LSAMP: variants seen among roughly 807,000 people sequenced by gnomAD.
LSAMP encodes limbic system-associated membrane protein.
LSAMP carries 7 observed loss-of-function variants against 38.6 expected under a neutral mutation model. That is an observed-to-expected ratio of 0.18 (90% CI 0.10 to 0.34). The LOEUF is 0.34. Ranked by LOEUF, LSAMP falls within the 10% of genes least tolerant of loss-of-function variation. The pLI is 1.00. For missense variants in LSAMP, 313 were observed against 420.0 expected, an observed-to-expected ratio of 0.75 and a Z score of 2.23; for synonymous variants, 154 against 166.8, an observed-to-expected ratio of 0.92 and a Z score of 0.59.
chr3:116,430,532 T>C (rs2049266523), intron 1 of LSAMP, among the ~76,000 whole-genome samples: 1 of 152,246 alleles, frequency 6.6e-6, no homozygotes, highest in Non-Finnish European at 1.5e-5. Context: ...AAAATGTAGT[T>C]CCTTAACAGG....
chr3:115,955,479 C>G (rs1938426352), intron 3 of LSAMP, among the ~76,000 whole-genome samples: 1 of 152,140 alleles, frequency 6.6e-6, no homozygotes, highest in South Asian at 2.1e-4. Flanking sequence ...TAAGCACCTA[C>G]TGTATGCTAG....
intron 6 of LSAMP, among the ~76,000 whole-genome samples, chr3:115,813,840 T>C (rs577261658): frequency 1.3e-5 from 2 of 152,352 alleles, no homozygotes; most frequent in South Asian, 4.1e-4. Flanking sequence ...GAAATGCAAA[T>C]GATAAATCTT....
intron 1 of LSAMP, among the ~76,000 whole-genome samples, chr3:116,128,462 C>G (rs1193590048): frequency 6.6e-6 from 1 of 152,186 alleles, no homozygotes; most frequent in Non-Finnish European, 1.5e-5. Flanking sequence ...CATTCCCATA[C>G]TATATCCATG....
chr3:115,917,622 A>G (rs1185351998), intron 3 of LSAMP, among the ~76,000 whole-genome samples: 5 of 149,560 alleles, frequency 3.3e-5, no homozygotes, highest in African/African-American at 1.2e-4. Flanking sequence ...TGCATCAAAC[A>G]CTCTTTTAAA....
At chr3:116,335,842 G>A (rs1214713369) in intron 1 of LSAMP, among the ~76,000 whole-genome samples, 3 of 152,014 alleles carry the variant, frequency 2.0e-5, no homozygotes, top group East Asian at 1.9e-4. Context: ...TGTACTGAAA[G>A]CGAAAAACAC....
intron 3 of LSAMP, among the ~76,000 whole-genome samples, chr3:115,915,899 GA>G (rs772749069): frequency 3.9e-4 from 59 of 152,018 alleles, no homozygotes; most frequent in Non-Finnish European, 7.6e-4. Flanking sequence ...CCAAAGTGCT[GA>G]AATATCTTTT....
At chr3:116,257,417 T>C (rs982184622) in intron 1 of LSAMP, among the ~76,000 whole-genome samples, 1 of 152,170 alleles carries the variant, frequency 6.6e-6, no homozygotes, top group African/African-American at 2.4e-5. Flanking sequence ...CTTTTCTGCT[T>C]TTTAACATTG....
chr3:116,425,468 T>C (rs966059114), intron 1 of LSAMP, among the ~76,000 whole-genome samples: 5 of 152,230 alleles, frequency 3.3e-5, no homozygotes, highest in Non-Finnish European at 7.3e-5. Flanking sequence ...GATGCAAATA[T>C]GGCTCTGCTA....
At chr3:115,916,695 T>G (rs933121250) in intron 3 of LSAMP, among the ~76,000 whole-genome samples, 3 of 152,190 alleles carry the variant, frequency 2.0e-5, no homozygotes, top group Admixed American at 1.3e-4. Context: ...TGAATGTAAT[T>G]TCATTTATTT....
In LSAMP at chr3:116,268,185, A is replaced by AAAC. The variant is rs377086309; in HGVS notation, c.155+176689_155+176691dup. 1.5e-3 allele frequency among the ~76,000 whole-genome samples: 229 copies of AAAC among 148,868 alleles called. 2 individuals are homozygous for AAAC. Among genetic ancestry groups the AAAC allele is most frequent in the Middle Eastern group, 7.0e-3 (2 of 286 alleles). On this transcript the variant is annotated intron_variant, in intron 1 of 6. Coordinates refer to ENST00000490035, the MANE Select transcript of LSAMP (RefSeq NM_002338.5). ...TTTCCAGTTTCTTTGTACTATTCCT[A>AAAC]AACTATTAGGAGTGGCCATTAAAAA...
At chr3:115,944,830 G>A (rs1020798330) in intron 3 of LSAMP, among the ~76,000 whole-genome samples, 7 of 152,070 alleles carry the variant, frequency 4.6e-5, no homozygotes, top group Admixed American at 1.3e-4. Flanking sequence ...ATGGTATAGC[G>A]CCTCTCTCCA....
intron 1 of LSAMP, among the ~76,000 whole-genome samples, chr3:116,171,863 A>G (rs114646642): frequency 1.3e-5 from 2 of 152,110 alleles, no homozygotes; most frequent in East Asian, 3.9e-4. Context: ...GAGTTCAAAC[A>G]GTGACCAGTT....
chr3:116,047,052 T>G (rs1364740071), intron 2 of LSAMP, among the ~76,000 whole-genome samples: 1 of 152,198 alleles, frequency 6.6e-6, no homozygotes, highest in East Asian at 1.9e-4. Flanking sequence ...CTCAGATACT[T>G]AACTGATGCT....
intron 1 of LSAMP, among the ~76,000 whole-genome samples, chr3:116,177,348 CAA>C (rs1210352735): frequency 6.6e-6 from 1 of 151,996 alleles, no homozygotes; most frequent in Non-Finnish European, 1.5e-5. Flanking sequence ...CAAAATCAAA[CAA>C]GAGACATCTT....
intron 1 of LSAMP, among the ~76,000 whole-genome samples, chr3:116,105,362 T>C (rs1468994085): frequency 6.6e-6 from 1 of 152,168 alleles, no homozygotes; most frequent in African/African-American, 2.4e-5. Flanking sequence ...GTCACTTTCA[T>C]GCGCGTCCGT....
At chr3:115,990,403 T>C (rs1359728781) in intron 3 of LSAMP, among the ~76,000 whole-genome samples, 1 of 152,036 alleles carries the variant, frequency 6.6e-6, no homozygotes, top group Non-Finnish European at 1.5e-5. Flanking sequence ...TTAGCACACA[T>C]TGCAAAATCT....
chr3:116,433,684 T>C (rs2049310570), intron 1 of LSAMP, among the ~76,000 whole-genome samples: 1 of 152,156 alleles, frequency 6.6e-6, no homozygotes. Flanking sequence ...GAGATGAATA[T>C]ACCTGTTGCA....
chr3:116,388,958 A>G (rs745993659), intron 1 of LSAMP, among the ~76,000 whole-genome samples: 1 of 152,226 alleles, frequency 6.6e-6, no homozygotes, highest in African/African-American at 2.4e-5. Context: ...GCATTAAGAA[A>G]TAGGAGGCCA....
At chr3:116,426,022 G>A (rs2049190238) in intron 1 of LSAMP, among the ~76,000 whole-genome samples, 1 of 151,980 alleles carries the variant, frequency 6.6e-6, no homozygotes, top group Non-Finnish European at 1.5e-5. Context: ...AAAAACTGGA[G>A]GCCAATTTTA....
Sources: gnomAD v4.1 joint callset for allele counts (sites outside exome capture counted in the v4.1 genomes callset) on GRCh38, gnomAD v4.1.1 for gene constraint, MANE v1.5 for transcripts, NCBI Gene and HGNC (gene_info 2026-07-23, HGNC 2026-07-21) for gene names.